The following CASZ1 variants were observed in gnomAD, a reference collection of about 807,000 sequenced individuals.
The protein encoded by CASZ1 is castor zinc finger 1.
CASZ1 carries 28 observed loss-of-function variants against 135.2 expected under a neutral mutation model. That is an observed-to-expected ratio of 0.21 (90% CI 0.15 to 0.28). CASZ1 has a LOEUF of 0.28. CASZ1 is among the 10% of genes least tolerant of loss of function. CASZ1 has a pLI of 1.00. For synonymous variants in CASZ1, 1,068 were observed against 1,073.4 expected (o/e 0.99, Z 0.10); for missense variants, 2,161 against 2,453.3 (o/e 0.88, Z 2.52).
intron 1 of CASZ1, among the ~76,000 whole-genome samples, chr1:10,782,685 A>G (rs1282893911): frequency 6.6e-6 from 1 of 152,020 alleles, no homozygotes; most frequent in African/African-American, 2.4e-5. Flanking sequence ...AGCTGGGTCT[A>G]GAGTTGATTC....
Position 10,759,062 on chromosome 1 carries a change from GT to G in CASZ1, c.-77+1638del, listed in dbSNP as rs1640313321. Among the ~76,000 whole-genome samples, 1 of 152,178 alleles carries G rather than the reference GT, an allele frequency of 6.6e-6. No homozygotes were observed. The highest frequency in any genetic ancestry group is 1.5e-5 in the Non-Finnish European group (1 of 68,036). ...TTCAGAAAGGGAAAAACGAATAGGC[GT>G]GTTTTGCCCAGGCAAAGAAGAAAAC... On this transcript the variant is annotated intron_variant, in intron 2 of 20. Coordinates refer to ENST00000377022, the MANE Select transcript of CASZ1 (RefSeq NM_001079843.3). The surrounding 1 kb of genome is among the most constrained non-coding windows in gnomAD (Gnocchi z 4.2).
chr1:10,645,185 G>A, intron 17 of CASZ1, 97 bp from the exon 18 acceptor site: 1 of 1,013,284 alleles, frequency 9.9e-7, no homozygotes, highest in Non-Finnish European at 1.5e-6. Flanking sequence ...TGGCACATGT[G>A]TTCTTCTCTG....
At position 10,706,475 on chromosome 1, in the gene CASZ1, T is replaced by C. The variant is rs919585007; in HGVS notation, c.-76-931A>G. Among the ~76,000 whole-genome samples the C allele has an allele frequency of 1.3e-5, 2 of 152,148 alleles. No homozygotes were observed. Among genetic ancestry groups the C allele is most frequent in the Non-Finnish European group, 2.9e-5 (2 of 68,008 alleles). On this transcript the variant is annotated intron_variant, in intron 2 of 20. Transcript: ENST00000377022. The surrounding 1 kb of genome is among the most constrained non-coding windows in gnomAD (Gnocchi z 4.3). ...CCCTCCCTCATTTGTGGCTTATCAA[T>C]GATGCAAGAGGAATAACACCAATTT...
rs1468917068 is a variant in CASZ1 at position 10,651,222 on chromosome 1, G to T, written c.2681-146C>A. ...GCTTCTCCCGCTGACGTGATCGCTCGCGACGCTCGCTCCTGTGTGGCAATT... is the reference window on the plus strand; with the variant it reads ...GCTTCTCCCGCTGACGTGATCGCTCTCGACGCTCGCTCCTGTGTGGCAATT... On this transcript the variant is annotated intron_variant, in intron 11 of 20. Coordinates refer to ENST00000377022, the MANE Select transcript of CASZ1 (RefSeq NM_001079843.3). 4.1e-5 allele frequency: 21 copies of T among 506,510 alleles called. No individual in the cohort carries two copies. In the South Asian group the frequency reaches 1.1e-3, roughly 26 times the overall value. The allele number at this position is 506,510 out of a possible 1,614,324, so 31.4% of individuals were successfully genotyped here.
rs145100773 is a variant in CASZ1, at chr1:10,771,359, G to C, written c.-233-10502C>G. Reference sequence around the variant, plus strand: ...ATGGATTTTTGGTTCCCCGCTGTCTGCAGTTCTGTGTCATTTCCAATCTAC... The same window carrying C: ...ATGGATTTTTGGTTCCCCGCTGTCTCCAGTTCTGTGTCATTTCCAATCTAC... On this transcript the variant is annotated intron_variant, in intron 1 of 20. Coordinates refer to ENST00000377022, the MANE Select transcript of CASZ1 (RefSeq NM_001079843.3). Among the ~76,000 whole-genome samples the C allele has an allele frequency of 3.7e-3, 558 of 152,212 alleles. 5 individuals are homozygous for C. The highest frequency in any genetic ancestry group is 0.013 in the African/African-American group (524 of 41,526).
chr1:10,776,528 C>G lies in CASZ1; in HGVS notation c.-233-15671G>C, dbSNP rs892911040. On this transcript the variant is annotated intron_variant, in intron 1 of 20. Transcript: ENST00000377022. The surrounding 1 kb of genome is among the most constrained non-coding windows in gnomAD (Gnocchi z 4.1). ...AAGTTCACACCAGAGGGCTCTGACACGAGACACATCCAGACAGGCAGTGAT... is the reference window on the plus strand; with the variant it reads ...AAGTTCACACCAGAGGGCTCTGACAGGAGACACATCCAGACAGGCAGTGAT... Among the ~76,000 whole-genome samples the G allele has an allele frequency of 5.3e-5, 8 of 152,204 alleles. No individual in the cohort carries two copies. Among genetic ancestry groups the G allele is most frequent in the Admixed American group, 5.2e-4 (8 of 15,288 alleles).
In CASZ1 at chr1:10,665,169, G is replaced by C. The variant is rs747487642; in HGVS notation, c.419C>G (p.Ser140Cys). ...SDEEDHAEEP[S>C]KDGGALEEKD... Reference sequence around the variant, plus strand: ...CTCCTCCAGGGCACCGCCGTCCTTGGAGGGCTCCTCCGCGTGGTCTTCCTC... The same window carrying C: ...CTCCTCCAGGGCACCGCCGTCCTTGCAGGGCTCCTCCGCGTGGTCTTCCTC... The change falls in exon 5 of 21, where the codon TCC (serine) becomes TGC (cysteine). Residue 140 changes from serine (S) to cysteine (C), a missense_variant. By Grantham distance (112) the Ser-to-Cys change is moderately radical. This residue lies in a region of CASZ1 where 590 missense variants were observed against 609.8 expected (regional missense o/e 0.97). Coordinates refer to ENST00000377022, the MANE Select transcript of CASZ1 (RefSeq NM_001079843.3). 3 of 1,558,120 alleles carry C rather than the reference G, an allele frequency of 1.9e-6. No homozygotes were observed. Among genetic ancestry groups the C allele is most frequent in the Non-Finnish European group, 2.6e-6 (3 of 1,149,210 alleles).
rs1206291346 is a variant in CASZ1, at chr1:10,649,290, G to A, written c.3028C>T (p.Leu1010=). 1.9e-6 allele frequency: 3 copies of A among 1,599,392 alleles called. No individual in the cohort carries two copies. Among genetic ancestry groups the A allele is most frequent in the Non-Finnish European group, 2.6e-6 (3 of 1,172,924 alleles). The change falls in exon 14 of 21, where the codon CTG becomes TTG. Residue 1010 remains leucine (L), a synonymous_variant. Transcript: ENST00000377022. The part of the protein sequence containing the change: ...EKLAEPWKVY[L]RRFGTKDFCD... ...CGGCCAGCAGCCCCTCACCTGCGCA[G>A]GTACACCTTCCAGGGCTCTGCCAAC...
chr1:10,706,222 C>T lies in CASZ1; in HGVS notation c.-76-678G>A, dbSNP rs542452157. Reference sequence around the variant, plus strand: ...GACAACGTGGAGGCTTTAACCAACACGCGGCCTGGCCCAGCGTGCCAGGCT... The same window carrying T: ...GACAACGTGGAGGCTTTAACCAACATGCGGCCTGGCCCAGCGTGCCAGGCT... On this transcript the variant is annotated intron_variant, in intron 2 of 20. Transcript: ENST00000377022. This position sits in a 1 kb window ranked among gnomAD's most constrained non-coding sequence, Gnocchi z 4.3. Among the ~76,000 whole-genome samples the T allele has an allele frequency of 2.0e-3, 309 of 152,316 alleles. No homozygotes were observed. Among genetic ancestry groups the T allele is most frequent in the Non-Finnish European group, 3.4e-3 (234 of 68,016 alleles).
At chr1:10,754,999 C>T (rs1243852840) in intron 2 of CASZ1, among the ~76,000 whole-genome samples, 2 of 152,208 alleles carry the variant, frequency 1.3e-5, no homozygotes, top group East Asian at 1.9e-4. Flanking sequence ...ATAGCAAGGC[C>T]CAGGCTCAGA....
rs1234838719 is a variant in CASZ1 at position 10,679,267 on chromosome 1, C to T, written c.17-13696G>A. ...GCCCCTGCTGCCTCCAGGACAGAGC[C>T]TAGTCCCAAACCTGAGGCAGACAGG... On this transcript the variant is annotated intron_variant, in intron 4 of 20. Coordinates refer to ENST00000377022, the MANE Select transcript of CASZ1 (RefSeq NM_001079843.3). The surrounding 1 kb of genome is among the most constrained non-coding windows in gnomAD (Gnocchi z 4.7). 1.3e-5 allele frequency among the ~76,000 whole-genome samples: 2 copies of T among 152,212 alleles called. No individual in the cohort carries two copies. Among genetic ancestry groups the T allele is most frequent in the Non-Finnish European group, 2.9e-5 (2 of 68,030 alleles).
intron 2 of CASZ1, among the ~76,000 whole-genome samples, chr1:10,734,043 C>T (rs1310334517): frequency 6.6e-6 from 1 of 152,224 alleles, no homozygotes. Context: ...CCCAACCAGG[C>T]AGAGCCACCA....
intron 4 of CASZ1, among the ~76,000 whole-genome samples, chr1:10,681,695 T>C (rs1638426364): frequency 6.6e-6 from 1 of 152,132 alleles, no homozygotes. Context: ...ATTGACTGAG[T>C]GAATGCAGAA....
intron 8 of CASZ1, 49 bp downstream of exon 8, chr1:10,656,597 A>T: frequency 2.8e-6 from 4 of 1,412,090 alleles, no homozygotes; most frequent in Non-Finnish European, 3.0e-6. Context: ...AAGCGCCTCC[A>T]TGCTGTGCTG....
chr1:10,650,801 T>C (rs754213124), intron 12 of CASZ1, 46 bp from the exon 13 acceptor site: 3 of 1,602,210 alleles, frequency 1.9e-6, no homozygotes, highest in African/African-American at 2.7e-5. Context: ...GGCCGGGGCC[T>C]GGGCCCTGGG....
intron 9 of CASZ1, among the ~76,000 whole-genome samples, chr1:10,655,018 C>T (rs574533599): frequency 1.3e-5 from 2 of 152,284 alleles, no homozygotes; most frequent in East Asian, 1.9e-4. Flanking sequence ...TCCCTGGGCA[C>T]GGGGCCCTCC....
At chr1:10,731,465 C>T (rs1639701661) in intron 2 of CASZ1, among the ~76,000 whole-genome samples, 1 of 150,848 alleles carries the variant, frequency 6.6e-6, no homozygotes, top group Admixed American at 6.6e-5. Context: ...TGCGCCTGTG[C>T]TCCCAGCTAC....
chr1:10,647,478 T>G lies in CASZ1; in HGVS notation c.3497+323A>C. On this transcript the variant is annotated intron_variant, in intron 16 of 20. Coordinates refer to ENST00000377022, the MANE Select transcript of CASZ1 (RefSeq NM_001079843.3). The surrounding 1 kb of genome is among the most constrained non-coding windows in gnomAD (Gnocchi z 4.9). ...GCTCGGAGGGAGACGCAGCCCTCCTTGTCAGGCTGGGAGTTGTCCTCTGAG... is the reference window on the plus strand; with the variant it reads ...GCTCGGAGGGAGACGCAGCCCTCCTGGTCAGGCTGGGAGTTGTCCTCTGAG... 8.0e-7 allele frequency: 1 copy of G among 1,244,512 alleles called. No individual in the cohort carries two copies. Among genetic ancestry groups the G allele is most frequent in the South Asian group, 1.7e-5 (1 of 57,432 alleles). The allele number at this position is 1,244,512 out of a possible 1,614,324, so 77.1% of individuals were successfully genotyped here.
rs528860384 is a variant in CASZ1 at position 10,701,543 on chromosome 1, G to A, written c.-24+3949C>T. ...GGAGTGATGGGAGGAGGGGGGGCGCGGTCAGAAGAAGGAGATAACGGGCAA... is the reference window on the plus strand; with the variant it reads ...GGAGTGATGGGAGGAGGGGGGGCGCAGTCAGAAGAAGGAGATAACGGGCAA... On this transcript the variant is annotated intron_variant, in intron 3 of 20. Transcript: ENST00000377022. This position sits in a 1 kb window ranked among gnomAD's most constrained non-coding sequence, Gnocchi z 6.3. Among the ~76,000 whole-genome samples the A allele has an allele frequency of 3.3e-5, 5 of 152,288 alleles. No individual in the cohort carries two copies. Among genetic ancestry groups the A allele is most frequent in the East Asian group, 3.9e-4 (2 of 5,176 alleles).
Sources: gnomAD v4.1 joint callset for allele counts (sites outside exome capture counted in the v4.1 genomes callset) on GRCh38, gnomAD v4.1.1 for gene constraint, gnomAD v4.1.1 regional missense constraint, Gnocchi (gnomAD v3.1) non-coding constraint, MANE v1.5 for transcripts, NCBI Gene and HGNC (gene_info 2026-07-23, HGNC 2026-07-21) for gene names.